The following ITSN1 variants were observed in gnomAD, a reference collection of about 807,000 sequenced individuals.
ITSN1 encodes intersectin-1.
ITSN1 carries 58 observed loss-of-function variants against 239.8 expected under a neutral mutation model. The observed-to-expected ratio is 0.24, with a 90% CI of 0.20 to 0.30. The LOEUF is 0.30. ITSN1 is among the 10% of genes least tolerant of loss of function. The pLI, the probability that ITSN1 is intolerant of heterozygous loss-of-function variation, is 1.00. For synonymous variants in ITSN1, 780 were observed against 770.8 expected (o/e 1.01, Z -0.20); for missense variants, 1,558 against 2,103.3 (o/e 0.74, Z 5.07).
intron 1 of ITSN1, among the ~76,000 whole-genome samples, chr21:33,711,651 GTTGT>G (rs749059467): frequency 2.6e-3 from 277 of 107,674 alleles, no homozygotes; most frequent in Non-Finnish European, 3.7e-3. Flanking sequence ...TTTTCTGTGT[GTTGT>G]GTGTGTGTGT....
chr21:33,820,440 A>G (rs2073596117), intron 24 of ITSN1, among the ~76,000 whole-genome samples: 1 of 152,250 alleles, frequency 6.6e-6, no homozygotes, highest in South Asian at 2.1e-4. Context: ...CCTTGAATAC[A>G]TTACAGGAGA....
intron 20 of ITSN1, among the ~76,000 whole-genome samples, chr21:33,806,991 G>C (rs2072506193): frequency 6.6e-6 from 1 of 152,086 alleles, no homozygotes; most frequent in African/African-American, 2.4e-5. Flanking sequence ...CTTTCTAAGT[G>C]GTTAATTTAA....
chr21:33,715,485 CAA>C (rs1412800647), intron 1 of ITSN1, among the ~76,000 whole-genome samples: 1 of 152,056 alleles, frequency 6.6e-6, no homozygotes, highest in African/African-American at 2.4e-5. Context: ...GGAAACTCTA[CAA>C]AAAGATATAT....
intron 29 of ITSN1, among the ~76,000 whole-genome samples, chr21:33,850,226 A>C (rs375292830): frequency 6.6e-6 from 1 of 152,194 alleles, no homozygotes; most frequent in East Asian, 1.9e-4. Flanking sequence ...AACAAAGCTT[A>C]TTTGGAGTTA....
rs1225635197 is a variant in ITSN1, at chr21:33,893,640, A to C, written c.*5340A>C. On this transcript the variant is annotated 3_prime_UTR_variant, in exon 40 of 40. Transcript: ENST00000381318. ...CAGACCTCTTCTGGTTAGACCTGAC[A>C]CGGAGGAAGTAATTGGCTGGTCAAC... The C allele has an allele frequency of 6.6e-6, 1 of 152,166 alleles. No homozygotes were observed. The highest frequency in any genetic ancestry group is 2.4e-5 in the African/African-American group (1 of 41,436). The allele number at this position is 152,166 out of a possible 1,614,324, so 9.4% of individuals were successfully genotyped here.
intron 12 of ITSN1, among the ~76,000 whole-genome samples, chr21:33,773,508 G>A (rs544544566): frequency 3.3e-5 from 5 of 151,892 alleles, no homozygotes; most frequent in South Asian, 2.1e-4. Flanking sequence ...GGAATTTTTC[G>A]ATGTAAAAAA....
intron 33 of ITSN1, among the ~76,000 whole-genome samples, chr21:33,875,020 G>A (rs1983481541): frequency 6.6e-6 from 1 of 152,244 alleles, no homozygotes; most frequent in Admixed American, 6.5e-5. Flanking sequence ...CTGTGAGTCT[G>A]CATGTGTGGC....
At chr21:33,784,553 ATTGTT>A (rs2070488528) in intron 16 of ITSN1, among the ~76,000 whole-genome samples, 1 of 152,216 alleles carries the variant, frequency 6.6e-6, no homozygotes, top group South Asian at 2.1e-4. Flanking sequence ...GTATAACTAT[ATTGTT>A]TTGTTATTTA....
chr21:33,776,401 A>C (rs1239787373), intron 14 of ITSN1, among the ~76,000 whole-genome samples: 1 of 151,682 alleles, frequency 6.6e-6, no homozygotes, highest in Admixed American at 6.6e-5. Context: ...AAAAAAAAAA[A>C]AAACTTAAAA....
At chr21:33,716,948 A>G (rs1178928080) in intron 1 of ITSN1, among the ~76,000 whole-genome samples, 1 of 151,764 alleles carries the variant, frequency 6.6e-6, no homozygotes, top group Non-Finnish European at 1.5e-5. Context: ...AAAAAAAAAA[A>G]AGTGAAAGAG....
At chr21:33,881,473 GACT>G (rs1984906641) in intron 34 of ITSN1, among the ~76,000 whole-genome samples, 1 of 151,834 alleles carries the variant, frequency 6.6e-6, no homozygotes, top group South Asian at 2.1e-4. Context: ...CAGGGGCCCG[GACT>G]GCAGTTGTGC....
chr21:33,816,951 T>TA (rs2073316125), intron 22 of ITSN1, among the ~76,000 whole-genome samples: 1 of 152,112 alleles, frequency 6.6e-6, no homozygotes, highest in African/African-American at 2.4e-5. Context: ...GACCAGGAAT[T>TA]AGAGGTTATC....
At chr21:33,800,639 G>T (rs901766442) in intron 19 of ITSN1, among the ~76,000 whole-genome samples, 1 of 152,080 alleles carries the variant, frequency 6.6e-6, no homozygotes, top group Non-Finnish European at 1.5e-5. Flanking sequence ...ATCATTTTAT[G>T]ATGTGACTAA....
chr21:33,801,084 T>A (rs1338192937), intron 19 of ITSN1, among the ~76,000 whole-genome samples: 1 of 152,162 alleles, frequency 6.6e-6, no homozygotes, highest in Non-Finnish European at 1.5e-5. Flanking sequence ...TTGCCCAGGC[T>A]GGTCTTGAAT....
intron 1 of ITSN1, among the ~76,000 whole-genome samples, chr21:33,713,828 CTTTTTT>C (rs35226795): frequency 7.8e-5 from 7 of 89,364 alleles, no homozygotes; most frequent in Admixed American, 1.7e-4. Flanking sequence ...CCAGCCTCAT[CTTTTTT>C]TTTTTTTTTT....
Position 33,802,437 on chromosome 21 carries a change from G to A in ITSN1, c.2312G>A (p.Gly771Glu). The change falls in exon 20 of 40, where the codon GGG (glycine) becomes GAG (glutamate). Residue 771 changes from glycine to glutamate, a missense_variant. Around this residue, in one of 2 missense-constraint regions of ITSN1, gnomAD observed 982 missense variants for 1,209.9 expected, o/e 0.81. Coordinates refer to ENST00000381318, the MANE Select transcript of ITSN1 (RefSeq NM_003024.3). ...TTTGCTTTCCTGGTGGAGGTTAAAG[G>A]GGAATGGGTAAGTGTTGCCTAACTG... ...IQPGDIVMVK[G>E]EWVDESQTGE... The A allele has an allele frequency of 1.9e-6, 3 of 1,613,590 alleles. No individual in the cohort carries two copies. Among genetic ancestry groups the A allele is most frequent in the Middle Eastern group, 1.7e-4 (1 of 6,060 alleles).
At chr21:33,780,590 A>G (rs1303971551) in intron 14 of ITSN1, among the ~76,000 whole-genome samples, 1 of 152,228 alleles carries the variant, frequency 6.6e-6, no homozygotes, top group Non-Finnish European at 1.5e-5. Flanking sequence ...CTGTATCTAA[A>G]GGTGGTTATT....
rs143723211 is a variant in ITSN1, at chr21:33,814,053, C to T, written c.2708C>T (p.Pro903Leu). 1,611 of 1,614,116 alleles carry T rather than the reference C, an allele frequency of 1.0e-3. 3 individuals are homozygous for T. The highest frequency in any genetic ancestry group is 9.3e-4 in the Non-Finnish European group (1,093 of 1,180,016). ...FTPATATGSS[P>L]SPVLGQGEKV... is the part of the protein sequence containing the mutation. ...CCAGCCACGGCCACTGGCTCCTCCC[C>T]GTCTCCTGTGCTAGGCCAGGTAAAG... The change falls in exon 22 of 40, where the codon CCG becomes CTG. Residue 903 changes from proline to leucine, a missense_variant. Physicochemically the swap from Pro to Leu is moderately conservative, Grantham distance 98. This residue lies in a region of ITSN1 where 982 missense variants were observed against 1,209.9 expected (regional missense o/e 0.81). Transcript: ENST00000381318.
At chr21:33,887,599 A>AT (rs11441002) in intron 39 of ITSN1, among the ~76,000 whole-genome samples, 57,215 of 151,164 alleles carry the variant, frequency 0.38, 11,031 homozygotes, top group East Asian at 0.58. Flanking sequence ...TTTTCTTTTT[A>AT]TTTTTTTTAT....
Sources: gnomAD v4.1 joint callset for allele counts (sites outside exome capture counted in the v4.1 genomes callset) on GRCh38, gnomAD v4.1.1 for gene constraint, gnomAD v4.1.1 regional missense constraint, MANE v1.5 for transcripts, NCBI Gene and HGNC (gene_info 2026-07-23, HGNC 2026-07-21) for gene names.